ALPK2: variants seen among roughly 807,000 people sequenced by gnomAD.
ALPK2 encodes alpha kinase 2.
A neutral mutation model predicts 163.1 loss-of-function variants in ALPK2; 127 were observed. The observed-to-expected ratio is 0.78, with a 90% confidence interval of 0.67 to 0.90. The LOEUF (loss-of-function observed/expected upper bound fraction) is 0.90, where lower values mean the gene tolerates loss of function less well. Ranked by LOEUF, ALPK2 falls within the 40% of genes least tolerant of loss-of-function variation. ALPK2 has a pLI of 0.00. For missense variants in ALPK2, 2,360 were observed against 2,589.6 expected (o/e 0.91, Z 1.92); for synonymous variants, 953 against 959.1 (o/e 0.99, Z 0.12).
chr18:58,546,683 C>T (rs182242090), intron 4 of ALPK2, among the ~76,000 whole-genome samples: 8 of 152,146 alleles, frequency 5.3e-5, no homozygotes, highest in Admixed American at 3.9e-4. Context: ...CCAACACAGG[C>T]GGGGACCATG....
intron 12 of ALPK2, among the ~76,000 whole-genome samples, chr18:58,487,089 A>G (rs940462671): frequency 4.6e-5 from 7 of 152,190 alleles, no homozygotes; most frequent in Non-Finnish European, 8.8e-5. Context: ...GTTGAGTAGC[A>G]TCCTTGCCCA....
At chr18:58,584,327 G>A (rs995333309) in intron 3 of ALPK2, among the ~76,000 whole-genome samples, 2 of 152,158 alleles carry the variant, frequency 1.3e-5, no homozygotes, top group African/African-American at 2.4e-5. Flanking sequence ...GAAGAAAATC[G>A]GGCAAGGAAG....
chr18:58,495,684 G>T (rs1298730361), intron 12 of ALPK2, among the ~76,000 whole-genome samples: 6 of 152,024 alleles, frequency 3.9e-5, no homozygotes, highest in African/African-American at 1.5e-4. Context: ...GTAGAGAGTT[G>T]TTCTAAATAA....
chr18:58,552,288 C>A (rs1484182786), intron 4 of ALPK2, among the ~76,000 whole-genome samples: 1 of 152,188 alleles, frequency 6.6e-6, no homozygotes, highest in Admixed American at 6.5e-5. Context: ...TATAATTTTT[C>A]ACGTTTCTGT....
At chr18:58,619,816 A>G (rs1220261849) in intron 1 of ALPK2, among the ~76,000 whole-genome samples, 4 of 152,244 alleles carry the variant, frequency 2.6e-5, no homozygotes, top group Admixed American at 2.6e-4. Context: ...AGAGAAATGA[A>G]AATGTATATT....
At chr18:58,572,079 A>G (rs1271030881) in intron 4 of ALPK2, among the ~76,000 whole-genome samples, 2 of 152,108 alleles carry the variant, frequency 1.3e-5, no homozygotes, top group Non-Finnish European at 2.9e-5. Flanking sequence ...CAGTCCAGTT[A>G]GGAAATGGAC....
Position 58,535,722 on chromosome 18 carries a change from T to C in ALPK2, c.4465A>G (p.Thr1489Ala), listed in dbSNP as rs1568077567. ...GGTTGCAGGACTTGCCAAATGGCAG[T>C]TTTTGCCTCCTCAGGTTGAATTTGT... ...AEQIQPEEAKTAIWQVLQPSE... is the reference protein window; with the variant it reads ...AEQIQPEEAKAAIWQVLQPSE... Residue 1489 changes from threonine to alanine, a missense_variant, in exon 5 of 13, where the codon ACT (threonine) becomes GCT (alanine). Physicochemically the swap from Thr to Ala is moderately conservative, Grantham distance 58 (BLOSUM62 0). Transcript: ENST00000361673. 1 of 1,614,228 alleles carries C rather than the reference T, an allele frequency of 6.2e-7. No individual in the cohort carries two copies. The highest frequency in any genetic ancestry group is 2.2e-5 in the East Asian group (1 of 44,876).
intron 3 of ALPK2, among the ~76,000 whole-genome samples, chr18:58,601,051 T>G (rs750528932): frequency 3.9e-5 from 6 of 151,970 alleles, no homozygotes; most frequent in Non-Finnish European, 5.9e-5. Context: ...AGGTCAGGAG[T>G]TCGAGACCAG....
intron 4 of ALPK2, among the ~76,000 whole-genome samples, chr18:58,540,594 T>C (rs2051684784): frequency 6.6e-6 from 1 of 152,172 alleles, no homozygotes; most frequent in African/African-American, 2.4e-5. Flanking sequence ...GACTGAGTCA[T>C]TAAGCACAGA....
At chr18:58,490,913 A>C (rs2051371234) in intron 12 of ALPK2, among the ~76,000 whole-genome samples, 1 of 152,226 alleles carries the variant, frequency 6.6e-6, no homozygotes, top group Non-Finnish European at 1.5e-5. Flanking sequence ...CATGAGTCCC[A>C]TCCCCATGAA....
intron 12 of ALPK2, among the ~76,000 whole-genome samples, chr18:58,483,726 A>ATTT (rs35380816): frequency 0.051 from 6,819 of 132,780 alleles, 598 homozygotes; most frequent in African/African-American, 0.18. Flanking sequence ...AATTTTTTGT[A>ATTT]TTTTTTTTTT....
intron 4 of ALPK2, among the ~76,000 whole-genome samples, chr18:58,573,334 G>A (rs867983564): frequency 2.7e-5 from 3 of 110,886 alleles, no homozygotes; most frequent in Middle Eastern, 4.9e-3. Flanking sequence ...ATGTATATAT[G>A]TGTATATATA....
intron 1 of ALPK2, among the ~76,000 whole-genome samples, chr18:58,615,007 G>T (rs1434145191): frequency 6.6e-6 from 1 of 150,382 alleles, no homozygotes; most frequent in Non-Finnish European, 1.5e-5. Context: ...TAGGGACAGG[G>T]TCTCACTACA....
intron 5 of ALPK2, among the ~76,000 whole-genome samples, chr18:58,531,247 A>G (rs1169700164): frequency 6.6e-6 from 1 of 152,092 alleles, no homozygotes; most frequent in East Asian, 1.9e-4. Flanking sequence ...TATTTCTTTT[A>G]TAATGATCCA....
intron 6 of ALPK2, chr18:58,528,885 C>T (rs570539227): frequency 5.3e-5 from 33 of 617,232 alleles, no homozygotes; most frequent in Middle Eastern, 4.6e-4. Context: ...TCAATTCTGG[C>T]AAAACCTGGG....
In ALPK2 at chr18:58,580,266, A is replaced by ATGGT. The variant is rs746654598; in HGVS notation, c.506_509dup (p.His170GlnfsTer13). The ATGGT allele has an allele frequency of 4.6e-5, 74 of 1,614,020 alleles. No individual in the cohort carries two copies. Among genetic ancestry groups the ATGGT allele is most frequent in the Non-Finnish European group, 5.8e-5 (69 of 1,180,022 alleles). On this transcript the variant is annotated frameshift_variant, in exon 4 of 13. Coordinates refer to ENST00000361673, the MANE Select transcript of ALPK2 (RefSeq NM_052947.4). LOFTEE classifies it high-confidence loss of function. ...TGCCCAATGACTGGAGGGAGAGTGA[A>ATGGT]TGGTTGGATTTGGAGGGGGAGGAGT... is the stretch of plus-strand genomic sequence containing the variant.
intron 3 of ALPK2, among the ~76,000 whole-genome samples, chr18:58,605,225 A>G (rs891946397): frequency 2.6e-5 from 4 of 152,294 alleles, no homozygotes; most frequent in Admixed American, 2.6e-4. Context: ...ATAAAGTTTT[A>G]TTGGTACACA....
chr18:58,497,992 G>C, intron 12 of ALPK2, 57 bp downstream of exon 12: 2 of 1,527,096 alleles, frequency 1.3e-6, no homozygotes, highest in Non-Finnish European at 1.8e-6. Context: ...GTGTCTGCCT[G>C]GAAGGTGTCT....
intron 3 of ALPK2, among the ~76,000 whole-genome samples, chr18:58,597,132 C>CA (rs2052045026): frequency 6.6e-6 from 1 of 152,132 alleles, no homozygotes; most frequent in East Asian, 1.9e-4. Flanking sequence ...TACTAAAATA[C>CA]AAAAAAATTT....
Sources: gnomAD v4.1 joint callset for allele counts (sites outside exome capture counted in the v4.1 genomes callset) on GRCh38, gnomAD v4.1.1 for gene constraint, MANE v1.5 for transcripts, NCBI Gene and HGNC (gene_info 2026-07-23, HGNC 2026-07-21) for gene names.